DTNA: variants seen among roughly 807,000 people sequenced by gnomAD.
DTNA encodes the protein dystrophin-related protein 3.
DTNA carries 43 observed loss-of-function variants against 100.7 expected under a neutral mutation model. The observed-to-expected ratio is 0.43, with a 90% CI of 0.33 to 0.55. The LOEUF (loss-of-function observed/expected upper bound fraction) is 0.55. Ranked by LOEUF, DTNA falls within the 20% of genes least tolerant of loss-of-function variation. The pLI, the probability that DTNA is intolerant of heterozygous loss-of-function variation, is 0.04. For synonymous variants in DTNA, 349 were observed against 347.9 expected, an observed-to-expected ratio of 1.00 and a Z score of -0.04; for missense variants, 798 against 953.9, an observed-to-expected ratio of 0.84 and a Z score of 2.15.
At chr18:34,728,567 CA>C (rs201294388) in intron 1 of DTNA, among the ~76,000 whole-genome samples, 7 of 149,592 alleles carry the variant, frequency 4.7e-5, no homozygotes, top group South Asian at 2.1e-4. Flanking sequence ...GTATTTTTCT[CA>C]AAAAAAAATA....
chr18:34,794,369 CT>C, intron 4 of DTNA, 119 bp downstream of exon 4: 2 of 1,129,452 alleles, frequency 1.8e-6, no homozygotes, highest in Non-Finnish European at 1.3e-6. Context: ...TCTCTTTTTT[CT>C]TACAGTGGAT....
intron 1 of DTNA, among the ~76,000 whole-genome samples, chr18:34,725,177 T>C (rs914146950): frequency 6.6e-6 from 1 of 152,092 alleles, no homozygotes; most frequent in African/African-American, 2.4e-5. Context: ...ATTCAGGAGA[T>C]AGGCATGGGC....
chr18:34,665,566 C>T (rs1353209072), intron 1 of DTNA, among the ~76,000 whole-genome samples: 1 of 152,126 alleles, frequency 6.6e-6, no homozygotes, highest in Non-Finnish European at 1.5e-5. Flanking sequence ...AATGCTATCC[C>T]TCCCCACTCC....
rs143322295 is a variant in DTNA at position 34,499,523 on chromosome 18, G to A, written c.-2+6009G>A. Among the ~76,000 whole-genome samples, 392 of 152,208 alleles carry A rather than the reference G, an allele frequency of 2.6e-3. 1 individual carries two copies. Among genetic ancestry groups the A allele is most frequent in the African/African-American group, 8.8e-3 (367 of 41,516 alleles). The stretch of plus-strand genomic sequence containing the variant: ...TGGGATAAATTCCCAGAAGTTACAC[G>A]TTTACTTTTATAAGAAATTACCAAA... On this transcript the variant is annotated intron_variant, in intron 1 of 19. Coordinates refer to the DTNA transcript ENST00000283365.
intron 1 of DTNA, among the ~76,000 whole-genome samples, chr18:34,602,170 A>G (rs1274540873): frequency 6.6e-6 from 1 of 152,206 alleles, no homozygotes; most frequent in Non-Finnish European, 1.5e-5. Flanking sequence ...TATAATCGAT[A>G]AAACTCAGGA....
At chr18:34,729,113 A>G (rs1040801950) in intron 1 of DTNA, among the ~76,000 whole-genome samples, 1 of 152,242 alleles carries the variant, frequency 6.6e-6, no homozygotes, top group Non-Finnish European at 1.5e-5. Flanking sequence ...GTCAATGTCA[A>G]TGGCAGGAAC....
intron 1 of DTNA, among the ~76,000 whole-genome samples, chr18:34,681,784 C>T (rs2078169151): frequency 6.6e-6 from 1 of 151,732 alleles, no homozygotes; most frequent in Non-Finnish European, 1.5e-5. Context: ...ATATTTGTGA[C>T]TATCAATGAA....
chr18:34,667,715 C>T (rs1306992864), intron 1 of DTNA, among the ~76,000 whole-genome samples: 6 of 152,040 alleles, frequency 3.9e-5, no homozygotes, highest in African/African-American at 1.4e-4. Flanking sequence ...TGTTTATATG[C>T]TGGATTATGT....
At chr18:34,883,862 C>T (rs2096897010) in intron 21 of DTNA, among the ~76,000 whole-genome samples, 3 of 152,158 alleles carry the variant, frequency 2.0e-5, no homozygotes, top group Non-Finnish European at 4.4e-5. Context: ...TCAGAAGCAA[C>T]TAAAATGTTG....
At chr18:34,887,658 C>A in intron 22 of DTNA, 108 bp from the exon 23 acceptor site, 1 of 695,172 alleles carries the variant, frequency 1.4e-6, no homozygotes, top group Non-Finnish European at 1.8e-6. Flanking sequence ...TGTGTGTGTG[C>A]GCGCGCACTT....
chr18:34,860,213 ATTTTTTGTTTTTTT>A (rs2096602741), intron 16 of DTNA, among the ~76,000 whole-genome samples: 1 of 74,318 alleles, frequency 1.3e-5, no homozygotes, highest in Non-Finnish European at 2.7e-5. Context: ...CGCCCGGCTA[ATTTTTTGTTTTTTT>A]TTTTTTTTTT....
At chr18:34,858,474 C>A in intron 16 of DTNA, 76 bp downstream of exon 16, 2 of 1,453,486 alleles carry the variant, frequency 1.4e-6, no homozygotes, top group Non-Finnish European at 1.9e-6. Flanking sequence ...AGTGTCTAGC[C>A]AGAAAACAGT....
chr18:34,499,826 T>C (rs2039694793), intron 1 of DTNA, among the ~76,000 whole-genome samples: 1 of 152,206 alleles, frequency 6.6e-6, no homozygotes, highest in South Asian at 2.1e-4. Context: ...GAGTTTTTTA[T>C]GCTATGTTTT....
At chr18:34,530,047 G>A (rs142106045) in intron 1 of DTNA, among the ~76,000 whole-genome samples, 1 of 152,216 alleles carries the variant, frequency 6.6e-6, no homozygotes, top group East Asian at 1.9e-4. Context: ...ACAAAGGCCA[G>A]AGCTGCGTAG....
chr18:34,806,627 C>T (rs768625341), intron 5 of DTNA, among the ~76,000 whole-genome samples: 2 of 152,270 alleles, frequency 1.3e-5, no homozygotes, highest in East Asian at 1.9e-4. Context: ...ATGATAGGCA[C>T]GTGAAGGCTT....
At chr18:34,688,235 G>T (rs913507582) in intron 1 of DTNA, among the ~76,000 whole-genome samples, 8 of 152,146 alleles carry the variant, frequency 5.3e-5, no homozygotes, top group African/African-American at 1.9e-4. Context: ...TCTTCATAGT[G>T]TGGATGGTCT....
intron 1 of DTNA, among the ~76,000 whole-genome samples, chr18:34,667,483 G>T (rs1320595916): frequency 6.6e-6 from 1 of 152,124 alleles, no homozygotes; most frequent in African/African-American, 2.4e-5. Context: ...GGTGAGAGAG[G>T]GCATCCCTGT....
chr18:34,526,955 A>C (rs1038827946), intron 1 of DTNA, among the ~76,000 whole-genome samples: 1 of 152,114 alleles, frequency 6.6e-6, no homozygotes, highest in Non-Finnish European at 1.5e-5. Flanking sequence ...TGTGGGTTCC[A>C]CTACTAAGGA....
intron 13 of DTNA, 67 bp from the exon 14 acceptor site, chr18:34,848,229 T>C: frequency 2.0e-6 from 3 of 1,488,560 alleles, no homozygotes; most frequent in South Asian, 1.1e-5. Flanking sequence ...AAACTCCTTG[T>C]GGTAAAATGA....
Sources: allele counts gnomAD v4.1 joint callset (sites outside exome capture counted in the v4.1 genomes callset), GRCh38; gene constraint gnomAD v4.1.1; transcripts MANE v1.5; gene names NCBI Gene and HGNC (gene_info 2026-07-23, HGNC 2026-07-21).